Variants in CEMIP observed in about 807,000 individuals in gnomAD.
CEMIP encodes cell migration inducing hyaluronidase 1.
CEMIP carries 105 observed loss-of-function variants against 156.9 expected under a neutral mutation model. The ratio of observed to expected loss-of-function variants is 0.67; its 90% CI spans 0.57 to 0.79. CEMIP has a LOEUF of 0.79. Among genes scored for constraint, CEMIP ranks in the 30% least tolerant of loss-of-function variants. The probability of loss-of-function intolerance (pLI) is 0.00; values close to 1 mark genes in which losing one functional copy is unlikely to be tolerated. For missense variants in CEMIP, 1,457 were observed against 1,769.4 expected (o/e 0.82, Z 3.17); for synonymous variants, 676 against 668.4 (o/e 1.01, Z -0.17).
intron 1 of CEMIP, among the ~76,000 whole-genome samples, chr15:80,838,049 C>G (rs985020093): frequency 4.6e-5 from 7 of 152,224 alleles, no homozygotes; most frequent in African/African-American, 1.4e-4. Flanking sequence ...ACAGCCCCCC[C>G]AGGTCTCTAT....
At position 80,920,260 on chromosome 15, in the gene CEMIP, C is replaced by T. The variant is rs1177099428; in HGVS notation, c.1964C>T (p.Ser655Phe). ...ATGTGCAAGATGATCACAGAGGACT[C>T]CTACCCGGGGTACATCCCCAAGCCC... Reference protein sequence around the residue: ...SKMCKMITEDSYPGYIPKPRQ... With the variant: ...SKMCKMITEDFYPGYIPKPRQ... Residue 655 changes from serine to phenylalanine, a missense_variant, in exon 15 of 30, where the codon TCC becomes TTC. Physicochemically the swap from Ser to Phe is radical, Grantham distance 155. Transcript: ENST00000394685. 2 of 1,614,200 alleles carry T rather than the reference C, an allele frequency of 1.2e-6. No homozygotes were observed. The highest frequency in any genetic ancestry group is 8.5e-7 in the Non-Finnish European group (1 of 1,180,030).
At chr15:80,799,242 G>A (rs1289612561) in intron 1 of CEMIP, among the ~76,000 whole-genome samples, 1 of 152,230 alleles carries the variant, frequency 6.6e-6, no homozygotes, top group African/African-American at 2.4e-5. Context: ...TTAGCCAAGT[G>A]AGGATTAGCC....
intron 1 of CEMIP, among the ~76,000 whole-genome samples, chr15:80,821,621 C>T (rs1896910840): frequency 6.6e-6 from 1 of 152,194 alleles, no homozygotes; most frequent in South Asian, 2.1e-4. Context: ...AGGGTTGCCA[C>T]TCAATCAGGG....
Position 80,932,791 on chromosome 15 carries a change from G to A in CEMIP, c.2794-454G>A, listed in dbSNP as rs779225939. Among the ~76,000 whole-genome samples, 18 of 152,188 alleles carry A rather than the reference G, an allele frequency of 1.2e-4. No homozygotes were observed. Among genetic ancestry groups the A allele is most frequent in the Non-Finnish European group, 1.9e-4 (13 of 68,036 alleles). On this transcript the variant is annotated intron_variant, in intron 22 of 29. Coordinates refer to ENST00000394685, the MANE Select transcript of CEMIP (RefSeq NM_001293298.2). The surrounding 1 kb of genome is among the most constrained non-coding windows in gnomAD (Gnocchi z 4.5). ...TGCTGCAAAACTGTCTTCCTGAAACGTGCCACATGCATCTTCTCTCGCACA... is the reference window on the plus strand; with the variant it reads ...TGCTGCAAAACTGTCTTCCTGAAACATGCCACATGCATCTTCTCTCGCACA...
At chr15:80,901,226 C>G (rs890983178) in intron 12 of CEMIP, among the ~76,000 whole-genome samples, 1 of 152,148 alleles carries the variant, frequency 6.6e-6, no homozygotes, top group African/African-American at 2.4e-5. Context: ...AAGTACTTCA[C>G]ATAAACCATC....
At chr15:80,840,231 G>A (rs1019913236) in intron 1 of CEMIP, among the ~76,000 whole-genome samples, 2 of 152,196 alleles carry the variant, frequency 1.3e-5, no homozygotes, top group African/African-American at 2.4e-5. Flanking sequence ...AAGTGTGATA[G>A]AGGAGAGGGA....
At chr15:80,912,097 AGCTGGGAGAG>A (rs962810196) in intron 14 of CEMIP, among the ~76,000 whole-genome samples, 8 of 148,142 alleles carry the variant, frequency 5.4e-5, no homozygotes, top group Non-Finnish European at 1.0e-4. Context: ...AGGCTGGGAG[AGCTGGGAGAG>A]GCTGGGAGAG....
intron 1 of CEMIP, among the ~76,000 whole-genome samples, chr15:80,852,421 G>A (rs895202139): frequency 4.0e-5 from 6 of 151,758 alleles, no homozygotes; most frequent in South Asian, 2.1e-4. Context: ...GGAGAGGTAC[G>A]ATTACTAACC....
At chr15:80,793,656 C>G (rs1053462573) in intron 1 of CEMIP, among the ~76,000 whole-genome samples, 2 of 152,094 alleles carry the variant, frequency 1.3e-5, no homozygotes, top group Non-Finnish European at 2.9e-5. Context: ...ACAAAGTTGA[C>G]CTGTTTTCAT....
At chr15:80,931,772 C>A in intron 21 of CEMIP, 87 bp from the exon 22 acceptor site, 1 of 1,361,120 alleles carries the variant, frequency 7.3e-7, no homozygotes, top group Non-Finnish European at 1.0e-6. Context: ...AAGGGGCAAA[C>A]ATGGCGTTTA....
chr15:80,894,951 A>G (rs778198181), intron 10 of CEMIP, 39 bp from the exon 11 acceptor site: 9 of 1,613,656 alleles, frequency 5.6e-6, no homozygotes, highest in African/African-American at 1.3e-5. Flanking sequence ...TCTATAAAAA[A>G]AAAACGACTT....
chr15:80,821,566 C>T (rs1378085084), intron 1 of CEMIP, among the ~76,000 whole-genome samples: 1 of 152,114 alleles, frequency 6.6e-6, no homozygotes, highest in Non-Finnish European at 1.5e-5. Flanking sequence ...ATTCAAGAGG[C>T]CTGTGAGAGA....
chr15:80,863,362 T>G (rs1304107740), intron 1 of CEMIP, among the ~76,000 whole-genome samples: 1 of 152,212 alleles, frequency 6.6e-6, no homozygotes, highest in Non-Finnish European at 1.5e-5. Context: ...AGTCCAATGT[T>G]GACTGGGCAG....
chr15:80,900,625 T>TGTGTGTGG (rs1899460363), intron 12 of CEMIP, among the ~76,000 whole-genome samples: 1 of 140,280 alleles, frequency 7.1e-6, no homozygotes, highest in African/African-American at 2.6e-5. Flanking sequence ...TGTGTGTGTG[T>TGTGTGTGG]GTGTGTGTGT....
rs763977938 is a variant in CEMIP at position 80,933,229 on chromosome 15, C to A, written c.2794-16C>A. The A allele has an allele frequency of 6.2e-7, 1 of 1,611,164 alleles. No individual in the cohort carries two copies. Among genetic ancestry groups the A allele is most frequent in the Non-Finnish European group, 8.5e-7 (1 of 1,177,330 alleles). On this transcript the variant is annotated splice_polypyrimidine_tract_variant and intron_variant, in intron 22 of 29. Transcript: ENST00000394685. ...TCACCTTCTAGCCCTGCCTAACTTT[C>A]CTGGGCTCTGTTTAGATTACTTCCA...
At chr15:80,878,975 C>A in intron 4 of CEMIP, 108 bp downstream of exon 4, 1 of 1,406,644 alleles carries the variant, frequency 7.1e-7, no homozygotes, top group Non-Finnish European at 1.0e-6. Flanking sequence ...ACATCACATG[C>A]TTTGGGTTCA....
intron 12 of CEMIP, among the ~76,000 whole-genome samples, chr15:80,901,294 A>G (rs7181726): frequency 0.27 from 40,568 of 152,122 alleles, 6,583 homozygotes; most frequent in African/African-American, 0.45. Flanking sequence ...TTCATGACAC[A>G]AATGAGGAAA....
chr15:80,918,956 C>T (rs144699763), intron 14 of CEMIP, among the ~76,000 whole-genome samples: 51 of 152,022 alleles, frequency 3.4e-4, no homozygotes, highest in African/African-American at 1.2e-3. Flanking sequence ...TTCATTTTTG[C>T]GGTGGAAAAA....
intron 1 of CEMIP, among the ~76,000 whole-genome samples, chr15:80,865,371 G>A (rs768627070): frequency 2.6e-5 from 4 of 152,064 alleles, no homozygotes; most frequent in South Asian, 2.1e-4. Flanking sequence ...TAGTAGAGAC[G>A]GAGTTTCACC....
Sources: gnomAD v4.1 joint callset for allele counts (sites outside exome capture counted in the v4.1 genomes callset) on GRCh38, gnomAD v4.1.1 for gene constraint, Gnocchi (gnomAD v3.1) non-coding constraint, MANE v1.5 for transcripts, NCBI Gene and HGNC (gene_info 2026-07-23, HGNC 2026-07-21) for gene names.